The following SYNE1 variants were observed in gnomAD, a reference collection of about 807,000 sequenced individuals.
SYNE1 encodes the protein spectrin repeat containing nuclear envelope protein 1.
Under a neutral mutation model 1,111.0 loss-of-function variants are expected in SYNE1, and 616 were observed. The ratio of observed to expected loss-of-function variants is 0.55; its 90% CI spans 0.52 to 0.59. The LOEUF (loss-of-function observed/expected upper bound fraction) is 0.59, where lower values mean the gene tolerates loss of function less well. Ranked by LOEUF, SYNE1 falls within the 20% of genes least tolerant of loss-of-function variation. The pLI, the probability that SYNE1 is intolerant of heterozygous loss-of-function variation, is 0.00. For missense variants in SYNE1, 10,006 were observed against 10,417.0 expected, an observed-to-expected ratio of 0.96 and a Z score of 1.72; for synonymous variants, 3,855 against 3,825.8, an observed-to-expected ratio of 1.01 and a Z score of -0.28.
At chr6:152,182,695 A>G (rs559226911) in intron 128 of SYNE1, among the ~76,000 whole-genome samples, 34 of 152,324 alleles carry the variant, frequency 2.2e-4, no homozygotes, top group African/African-American at 8.2e-4. Flanking sequence ...ACAAAACTAA[A>G]TATCTGTGAT....
At chr6:152,546,220 C>T (rs114413636) in intron 3 of SYNE1, among the ~76,000 whole-genome samples, 3,359 of 152,174 alleles carry the variant, frequency 0.022, 149 homozygotes, top group African/African-American at 0.077. Flanking sequence ...AGAAAATGGA[C>T]AATTTACAGG....
chr6:152,149,103 T>C (rs1417759644), intron 136 of SYNE1, among the ~76,000 whole-genome samples: 1 of 152,204 alleles, frequency 6.6e-6, no homozygotes, highest in Non-Finnish European at 1.5e-5. Flanking sequence ...TTATTTCTTC[T>C]AGAGGCTTCT....
At chr6:152,520,977 C>G (rs2099136103) in intron 5 of SYNE1, among the ~76,000 whole-genome samples, 1 of 152,076 alleles carries the variant, frequency 6.6e-6, no homozygotes, top group Non-Finnish European at 1.5e-5. Context: ...AAAGCCATAT[C>G]CCAAAATATG....
At chr6:152,479,111 G>C (rs2098859413) in intron 14 of SYNE1, among the ~76,000 whole-genome samples, 1 of 152,082 alleles carries the variant, frequency 6.6e-6, no homozygotes. Flanking sequence ...CTTGTGGAGG[G>C]GTCTCATTTA....
At chr6:152,453,009 A>G (rs1378951969) in intron 25 of SYNE1, among the ~76,000 whole-genome samples, 1 of 152,128 alleles carries the variant, frequency 6.6e-6, no homozygotes, top group Non-Finnish European at 1.5e-5. Flanking sequence ...CCTCTTTCAA[A>G]GCTTTCATAA....
At position 152,321,820 on chromosome 6, in the gene SYNE1, C is replaced by T. The variant is rs757426702; in HGVS notation, c.15984G>A (p.Val5328=). 4 of 1,613,908 alleles carry T rather than the reference C, an allele frequency of 2.5e-6. No homozygotes were observed. Among genetic ancestry groups the T allele is most frequent in the Non-Finnish European group, 3.4e-6 (4 of 1,179,974 alleles). Residue 5328 remains valine (V), a synonymous_variant, in exon 83 of 146, where the codon GTG becomes GTA. Transcript: ENST00000367255. ...ATTTCACAGAATTGATCTGAGTCTC[C>T]ACCATTTCTCGGTCCTTCAGCTCTT... is the stretch of plus-strand genomic sequence containing the variant. ...VKQELKDREM[V]ETQINSVKCW... is the part of the protein sequence containing the mutation.
rs1465224604 is a variant in SYNE1 at position 152,442,101 on chromosome 6, G to C, written c.3982C>G (p.Arg1328Gly). ...TGGATGCGGCGTTCCTGCCTCTCCCGGCTGCGCTCCAGGCCATCCAGTGTG... is the reference window on the plus strand; with the variant it reads ...TGGATGCGGCGTTCCTGCCTCTCCCCGCTGCGCTCCAGGCCATCCAGTGTG... ...ESTLDGLERSRERQERRIQVT... is the reference protein window; with the variant it reads ...ESTLDGLERSGERQERRIQVT... Residue 1328 changes from arginine to glycine, a missense_variant, in exon 31 of 146, where the codon CGG becomes GGG. Around this residue, in one of 7 missense-constraint regions of SYNE1, gnomAD observed 1,971 missense variants for 2,084.1 expected, o/e 0.95. Transcript: ENST00000367255. The C allele has an allele frequency of 1.9e-6, 3 of 1,613,862 alleles. No individual in the cohort carries two copies. In the Admixed American group the frequency reaches 5.0e-5, roughly 27 times the overall value.
At chr6:152,149,726 AG>A in intron 135 of SYNE1, 58 bp from the exon 136 acceptor site, 1 of 1,432,730 alleles carries the variant, frequency 7.0e-7, no homozygotes, top group Non-Finnish European at 9.8e-7. Context: ...TTGATATAAA[AG>A]AATCATAATA....
chr6:152,526,936 T>A (rs2099166355), intron 4 of SYNE1, among the ~76,000 whole-genome samples: 1 of 152,168 alleles, frequency 6.6e-6, no homozygotes, highest in Admixed American at 6.5e-5. Context: ...TATATGGGAA[T>A]TCATCAAACA....
chr6:152,617,035 A>G, intron 3 of SYNE1, among the ~76,000 whole-genome samples: 1 of 152,246 alleles, frequency 6.6e-6, no homozygotes. Flanking sequence ...AATATGCATG[A>G]ATATATGAAT....
At chr6:152,629,987 C>T (rs1230594428) in intron 2 of SYNE1, among the ~76,000 whole-genome samples, 2 of 152,146 alleles carry the variant, frequency 1.3e-5, no homozygotes, top group African/African-American at 2.4e-5. Context: ...AAGGACTTTG[C>T]TCATGAAGGA....
intron 11 of SYNE1, among the ~76,000 whole-genome samples, chr6:152,497,114 C>T (rs1486858754): frequency 6.6e-6 from 1 of 152,188 alleles, no homozygotes; most frequent in African/African-American, 2.4e-5. Flanking sequence ...GATTAAAAAG[C>T]TTTATTGCTC....
chr6:152,356,507 AATATATTAAT>A (rs1394470547), intron 66 of SYNE1, among the ~76,000 whole-genome samples: 7 of 147,942 alleles, frequency 4.7e-5, no homozygotes, highest in Admixed American at 6.8e-5. Flanking sequence ...GTGTGTATAT[AATATATTAAT>A]ATATATTAAT....
At position 152,133,386 on chromosome 6, in the gene SYNE1, C is replaced by G. The variant is rs1046624539; in HGVS notation, c.25891G>C (p.Ala8631Pro). 1 of 1,614,182 alleles carries G rather than the reference C, an allele frequency of 6.2e-7. No individual in the cohort carries two copies. Among genetic ancestry groups the G allele is most frequent in the Non-Finnish European group, 8.5e-7 (1 of 1,180,032 alleles). Residue 8631 changes from alanine (A) to proline (P), a missense_variant, in exon 143 of 146, where the codon GCC becomes CCC. Ala to Pro is a conservative substitution (Grantham distance 27, BLOSUM62 -1). Coordinates refer to ENST00000367255, the MANE Select transcript of SYNE1 (RefSeq NM_182961.4). ...CCAATAACATGGACTTTTTCTTTGG[C>G]TTCTAAACAGTCTGTTCCTTCAGCA... The part of the protein sequence containing the change: ...VNAEGTDCLE[A>P]KEKVHVIGNR...
At chr6:152,575,689 A>C (rs1379684193) in intron 3 of SYNE1, among the ~76,000 whole-genome samples, 1 of 152,206 alleles carries the variant, frequency 6.6e-6, no homozygotes, top group East Asian at 1.9e-4. Flanking sequence ...CTAGCTATGC[A>C]ACCTTGAACA....
chr6:152,353,736 G>C lies in SYNE1; in HGVS notation c.10935C>G (p.His3645Gln). 6.2e-7 allele frequency: 1 copy of C among 1,613,930 alleles called. No homozygotes were observed. Among genetic ancestry groups the C allele is most frequent in the South Asian group, 1.1e-5 (1 of 91,078 alleles). ...CATCTCTGTATGCAGTCACTTCTTC[G>C]TGCCACTTCTGAAATGACAAAGTAT... is the stretch of plus-strand genomic sequence containing the variant. ...EIQLHQMKKW[H>Q]EEVTAYRDEV... The change falls in exon 68 of 146, where the codon CAC (histidine) becomes CAG (glutamine). Residue 3645 changes from histidine to glutamine, a missense_variant. Around this residue, in one of 7 missense-constraint regions of SYNE1, gnomAD observed 4,955 missense variants for 5,017.2 expected, o/e 0.99. Coordinates refer to ENST00000367255, the MANE Select transcript of SYNE1 (RefSeq NM_182961.4).
chr6:152,217,252 C>T (rs997672165), intron 121 of SYNE1, among the ~76,000 whole-genome samples: 3 of 150,048 alleles, frequency 2.0e-5, no homozygotes, highest in African/African-American at 7.4e-5. Context: ...AAAAATTAGC[C>T]AGGCGTGGTG....
intron 127 of SYNE1, among the ~76,000 whole-genome samples, chr6:152,192,282 A>G (rs1293072356): frequency 1.5e-5 from 2 of 131,314 alleles, no homozygotes; most frequent in East Asian, 4.5e-4. Context: ...AGTGCAGATT[A>G]ACTCCAGTGT....
At chr6:152,381,628 T>G in intron 55 of SYNE1, 1 of 519,594 alleles carries the variant, frequency 1.9e-6, no homozygotes, top group Non-Finnish European at 3.5e-6. Flanking sequence ...CAGGCATTAT[T>G]CGCACACGTG....
Sources: gnomAD v4.1 joint callset for allele counts (sites outside exome capture counted in the v4.1 genomes callset) on GRCh38, gnomAD v4.1.1 for gene constraint, gnomAD v4.1.1 regional missense constraint, MANE v1.5 for transcripts, NCBI Gene and HGNC (gene_info 2026-07-23, HGNC 2026-07-21) for gene names.